The following ESRRG variants were observed in gnomAD, a reference collection of about 807,000 sequenced individuals.
The protein encoded by ESRRG is estrogen-related receptor gamma.
ESRRG carries 13 observed loss-of-function variants against 44.0 expected under a neutral mutation model. The ratio of observed to expected loss-of-function variants is 0.30; its 90% CI spans 0.19 to 0.47. ESRRG has a LOEUF of 0.47. Ranked by LOEUF, ESRRG falls within the 20% of genes least tolerant of loss-of-function variation. The probability of loss-of-function intolerance (pLI) is 1.00; values close to 1 mark genes in which losing one functional copy is unlikely to be tolerated. For synonymous variants in ESRRG, 215 were observed against 214.6 expected (o/e 1.00, Z -0.02); for missense variants, 395 against 580.6 (o/e 0.68, Z 3.29).
intron 2 of ESRRG, among the ~76,000 whole-genome samples, chr1:216,753,459 G>T (rs1273772399): frequency 6.6e-6 from 1 of 152,000 alleles, no homozygotes; most frequent in East Asian, 1.9e-4. Context: ...CCATATTAAT[G>T]ATTACTGCCA....
intron 2 of ESRRG, among the ~76,000 whole-genome samples, chr1:216,913,427 T>A (rs1043479557): frequency 6.6e-6 from 1 of 152,152 alleles, no homozygotes; most frequent in African/African-American, 2.4e-5. Context: ...TACTGAGGAA[T>A]GAATGAATAT....
intron 2 of ESRRG, among the ~76,000 whole-genome samples, chr1:216,873,624 T>A (rs1349746894): frequency 6.6e-6 from 1 of 151,912 alleles, no homozygotes; most frequent in East Asian, 2.0e-4. Context: ...ACTAGAAATC[T>A]GGGGCTTTAG....
chr1:216,555,332 G>A (rs1218333391), intron 5 of ESRRG, among the ~76,000 whole-genome samples: 1 of 152,118 alleles, frequency 6.6e-6, no homozygotes, highest in Non-Finnish European at 1.5e-5. Context: ...TAAATCACTA[G>A]CACTTTCAAG....
At chr1:217,006,940 T>C (rs1284308427) in intron 1 of ESRRG, among the ~76,000 whole-genome samples, 1 of 152,150 alleles carries the variant, frequency 6.6e-6, no homozygotes, top group East Asian at 1.9e-4. Flanking sequence ...TTTTATTTAT[T>C]GCCATCAGCG....
At chr1:216,574,318 A>G (rs1427075489) in intron 3 of ESRRG, among the ~76,000 whole-genome samples, 1 of 152,144 alleles carries the variant, frequency 6.6e-6, no homozygotes, top group Non-Finnish European at 1.5e-5. Context: ...AGGATTTACA[A>G]AATTGAGAAA....
intron 3 of ESRRG, among the ~76,000 whole-genome samples, chr1:216,632,590 G>A (rs2150726414): frequency 6.6e-6 from 1 of 152,232 alleles, no homozygotes; most frequent in South Asian, 2.1e-4. Context: ...TTTTGCAATA[G>A]AGATTATCCT....
chr1:217,105,470 G>C (rs190160740), intron 1 of ESRRG, among the ~76,000 whole-genome samples: 9 of 152,268 alleles, frequency 5.9e-5, no homozygotes, highest in African/African-American at 1.7e-4. Flanking sequence ...GGATCGAGCT[G>C]TTCATCTCCC....
intron 2 of ESRRG, among the ~76,000 whole-genome samples, chr1:216,753,377 C>G (rs1345374454): frequency 6.6e-6 from 1 of 151,996 alleles, no homozygotes; most frequent in Admixed American, 6.6e-5. Context: ...ATGTCAGACA[C>G]TTTTCTTATC....
chr1:216,661,540 T>C (rs2072417660), intron 2 of ESRRG, among the ~76,000 whole-genome samples: 1 of 152,212 alleles, frequency 6.6e-6, no homozygotes, highest in Non-Finnish European at 1.5e-5. Flanking sequence ...CATTTTATGG[T>C]GACTTTTGCA....
At chr1:217,045,390 CT>C (rs2084683784) in intron 1 of ESRRG, among the ~76,000 whole-genome samples, 1 of 152,210 alleles carries the variant, frequency 6.6e-6, no homozygotes, top group Non-Finnish European at 1.5e-5. Context: ...ACATAACAGT[CT>C]CCCCACAAAA....
At chr1:216,947,475 T>C (rs1560217917) in intron 1 of ESRRG, among the ~76,000 whole-genome samples, 1 of 152,206 alleles carries the variant, frequency 6.6e-6, no homozygotes, top group Non-Finnish European at 1.5e-5. Flanking sequence ...TTCCTTCCCA[T>C]AAACGGGCTT....
At chr1:216,507,271 A>G in intron 6 of ESRRG, 88 bp from the exon 7 acceptor site, 3 of 906,692 alleles carry the variant, frequency 3.3e-6, no homozygotes, top group Non-Finnish European at 4.8e-6. Flanking sequence ...TATTAATTTA[A>G]TTATTTTTGA....
intron 2 of ESRRG, among the ~76,000 whole-genome samples, chr1:216,858,536 A>G (rs1013467702): frequency 3.3e-5 from 5 of 152,126 alleles, no homozygotes; most frequent in African/African-American, 1.2e-4. Flanking sequence ...GTAGTGAGTG[A>G]CTCTCAAATG....
chr1:216,954,312 A>T (rs867076528), intron 1 of ESRRG, among the ~76,000 whole-genome samples: 12 of 152,170 alleles, frequency 7.9e-5, no homozygotes, highest in Non-Finnish European at 1.5e-4. Context: ...AGAAGTCTTC[A>T]CACCTCTTGG....
intron 1 of ESRRG, among the ~76,000 whole-genome samples, chr1:217,032,366 C>T (rs1245250720): frequency 6.6e-6 from 1 of 152,130 alleles, no homozygotes; most frequent in African/African-American, 2.4e-5. Flanking sequence ...ATAGTGCATT[C>T]TTCCCAGTTA....
intron 1 of ESRRG, among the ~76,000 whole-genome samples, chr1:217,035,680 GAA>G (rs768545009): frequency 3.6e-5 from 5 of 138,788 alleles, no homozygotes; most frequent in Admixed American, 7.3e-5. Context: ...GGGATTCCGT[GAA>G]AAAAAAAAAA....
intron 2 of ESRRG, among the ~76,000 whole-genome samples, chr1:216,776,884 A>C (rs1357307715): frequency 6.6e-6 from 1 of 152,166 alleles, no homozygotes; most frequent in Non-Finnish European, 1.5e-5. Context: ...CAGAAGAGCC[A>C]CACACCTTCA....
At chr1:217,022,185 T>C (rs1441028806) in intron 1 of ESRRG, among the ~76,000 whole-genome samples, 1 of 152,214 alleles carries the variant, frequency 6.6e-6, no homozygotes, top group African/African-American at 2.4e-5. Context: ...AGCCAAAGGC[T>C]AAATTGAGCT....
rs564315472 is a variant in ESRRG at position 217,046,333 on chromosome 1, A to G, written c.-106+43174T>C. 3.3e-5 allele frequency among the ~76,000 whole-genome samples: 5 copies of G among 152,268 alleles called. No homozygotes were observed. The East Asian group carries it at 5.8e-4, about 18-fold the overall frequency. ...CAAGAAATAGGTGTTGGATTGACCA[A>G]ATGAATCCACCTGCTAGCACTGCAT... On this transcript the variant is annotated intron_variant, in intron 1 of 7. Coordinates refer to the ESRRG transcript ENST00000359162.
Sources: gnomAD v4.1 joint callset for allele counts (sites outside exome capture counted in the v4.1 genomes callset) on GRCh38, gnomAD v4.1.1 for gene constraint, MANE v1.5 for transcripts, NCBI Gene and HGNC (gene_info 2026-07-23, HGNC 2026-07-21) for gene names.